The following AHCTF1 variants were observed in gnomAD, a reference collection of about 807,000 sequenced individuals.
AHCTF1 encodes AT-hook containing transcription factor 1.
AHCTF1 carries 24 observed loss-of-function variants against 248.4 expected under a neutral mutation model. That is an observed-to-expected ratio of 0.10 (90% CI 0.07 to 0.14). The LOEUF (loss-of-function observed/expected upper bound fraction) is 0.14, where lower values mean the gene tolerates loss of function less well. Ranked by LOEUF, AHCTF1 falls within the 10% of genes least tolerant of loss-of-function variation. AHCTF1 has a pLI of 1.00. For synonymous variants in AHCTF1, 786 were observed against 929.8 expected (o/e 0.85, Z 2.81); for missense variants, 2,206 against 2,636.2 (o/e 0.84, Z 3.57).
intron 17 of AHCTF1, among the ~76,000 whole-genome samples, 176 bp from the exon 18 acceptor site, chr1:246,888,693 C>T (rs1345264484): frequency 1.3e-5 from 2 of 151,948 alleles, no homozygotes; most frequent in Admixed American, 1.3e-4. Flanking sequence ...AGGATCAACT[C>T]AAGGTCAGGA....
At chr1:246,878,278 TC>T (rs1663123649) in intron 21 of AHCTF1, among the ~76,000 whole-genome samples, 1 of 151,374 alleles carries the variant, frequency 6.6e-6, no homozygotes, top group Admixed American at 6.6e-5. Flanking sequence ...GTGCCTGTAG[TC>T]CCAGCTATTC....
chr1:246,869,560 G>C (rs567826493), intron 24 of AHCTF1, among the ~76,000 whole-genome samples: 59 of 152,216 alleles, frequency 3.9e-4, no homozygotes, highest in African/African-American at 1.4e-3. Flanking sequence ...TTAAATTAAA[G>C]GCAATCACCA....
intron 1 of AHCTF1, among the ~76,000 whole-genome samples, chr1:246,926,167 G>A (rs1228917929): frequency 6.6e-6 from 1 of 151,972 alleles, no homozygotes; most frequent in African/African-American, 2.4e-5. Flanking sequence ...TCACCAGAAG[G>A]TAGGCAGCTG....
chr1:246,874,152 G>A (rs1056441053), intron 24 of AHCTF1, among the ~76,000 whole-genome samples: 2 of 151,904 alleles, frequency 1.3e-5, no homozygotes, highest in Non-Finnish European at 2.9e-5. Context: ...ATGACAAAGG[G>A]TGCCAAACTC....
chr1:246,922,759 G>A (rs1272069677), intron 1 of AHCTF1, among the ~76,000 whole-genome samples: 4 of 151,312 alleles, frequency 2.6e-5, no homozygotes, highest in African/African-American at 7.3e-5. Flanking sequence ...AAGGAGGGCG[G>A]ATCACGAGGT....
intron 17 of AHCTF1, 127 bp downstream of exon 17, chr1:246,889,839 T>C (rs1022332542): frequency 1.8e-5 from 11 of 609,768 alleles, no homozygotes; most frequent in Non-Finnish European, 3.1e-5. Context: ...AAAATAGTAA[T>C]GGTAATAGCA....
rs758863614 is a variant in AHCTF1, at chr1:246,871,297, C to T, written c.3089-3486G>A. Among the ~76,000 whole-genome samples the T allele has an allele frequency of 4.9e-4, 75 of 152,232 alleles. 1 individual carries two copies. The Middle Eastern group carries it at 0.031, about 62-fold the overall frequency. ...GAGTGCTAAAAACAGAGACACCACTCGCTTACTGATGGGAGGATGTTACAA... is the reference window on the plus strand; with the variant it reads ...GAGTGCTAAAAACAGAGACACCACTTGCTTACTGATGGGAGGATGTTACAA... On this transcript the variant is annotated intron_variant, in intron 24 of 35. Transcript: ENST00000648844.
chr1:246,894,403 TCTA>T (rs959384078), intron 14 of AHCTF1, among the ~76,000 whole-genome samples: 2 of 152,024 alleles, frequency 1.3e-5, no homozygotes, highest in Non-Finnish European at 2.9e-5. Flanking sequence ...AAACCCCGTC[TCTA>T]CTAAAAAATA....
intron 1 of AHCTF1, among the ~76,000 whole-genome samples, chr1:246,923,944 T>G (rs766016028): frequency 6.6e-5 from 10 of 152,218 alleles, no homozygotes; most frequent in Non-Finnish European, 1.3e-4. Context: ...GGGCCATGTT[T>G]CAGGGAACTG....
chr1:246,868,103 C>G (rs1662147929), intron 24 of AHCTF1, among the ~76,000 whole-genome samples: 1 of 151,254 alleles, frequency 6.6e-6, no homozygotes, highest in African/African-American at 2.4e-5. Context: ...GATGGGATTA[C>G]AGGCATGGCC....
chr1:246,842,621 G>T, intron 35 of AHCTF1, 73 bp downstream of exon 35: 1 of 1,106,938 alleles, frequency 9.0e-7, no homozygotes, highest in Non-Finnish European at 1.3e-6. Flanking sequence ...AATAAAAGGA[G>T]GATAGTAGGG....
At chr1:246,929,596 A>G (rs547575076) in intron 1 of AHCTF1, among the ~76,000 whole-genome samples, 1 of 152,316 alleles carries the variant, frequency 6.6e-6, no homozygotes, top group South Asian at 2.1e-4. Context: ...GAATAGCAAA[A>G]GCATAAAATT....
intron 33 of AHCTF1, 86 bp from the exon 34 acceptor site, chr1:246,844,014 T>C: frequency 3.0e-6 from 3 of 1,012,570 alleles, no homozygotes; most frequent in Non-Finnish European, 3.9e-6. Context: ...ACAAATTATG[T>C]GTTTTAGAAA....
At position 246,850,283 on chromosome 1, in the gene AHCTF1, C is replaced by G. The variant is rs1020081624; in HGVS notation, c.5723G>C (p.Ser1908Thr). 1 of 1,613,784 alleles carries G rather than the reference C, an allele frequency of 6.2e-7. No individual in the cohort carries two copies. The highest frequency in any genetic ancestry group is 8.5e-7 in the Non-Finnish European group (1 of 1,179,868). ...ATTTTCAGAAGCATCTAAATTAGTA[C>G]TTCTCAATTTTCTGATCATTCTGCT... ...SPSRMIRKLR[S>T]TNLDASENTG... Residue 1908 changes from serine (S) to threonine (T), a missense_variant, in exon 33 of 36, where the codon AGT becomes ACT. Physicochemically the swap from Ser to Thr is moderately conservative, Grantham distance 58. Transcript: ENST00000648844.
At chr1:246,844,752 G>T (rs912978440) in intron 33 of AHCTF1, among the ~76,000 whole-genome samples, 1 of 151,228 alleles carries the variant, frequency 6.6e-6, no homozygotes, top group African/African-American at 2.4e-5. Flanking sequence ...AATAAAAATG[G>T]TTTAAACAAC....
chr1:246,885,429 C>T, intron 21 of AHCTF1, 64 bp downstream of exon 21: 1 of 1,375,982 alleles, frequency 7.3e-7, no homozygotes, highest in East Asian at 2.4e-5. Flanking sequence ...CACTGTCTAT[C>T]TCATCAATTC....
chr1:246,909,641 T>C (rs550433746), intron 4 of AHCTF1, among the ~76,000 whole-genome samples: 1 of 152,302 alleles, frequency 6.6e-6, no homozygotes, highest in South Asian at 2.1e-4. Context: ...AATTCAGATA[T>C]GCCAAAGAGA....
At chr1:246,889,538 G>A (rs1664070153) in intron 17 of AHCTF1, among the ~76,000 whole-genome samples, 1 of 152,102 alleles carries the variant, frequency 6.6e-6, no homozygotes, top group Non-Finnish European at 1.5e-5. Flanking sequence ...CTCCTAAATT[G>A]GTCATTCTAA....
intron 24 of AHCTF1, among the ~76,000 whole-genome samples, chr1:246,871,123 G>A (rs1181699340): frequency 6.6e-6 from 1 of 152,184 alleles, no homozygotes; most frequent in Non-Finnish European, 1.5e-5. Context: ...AAAAAAGGTG[G>A]TGGCTCATTT....
Sources: gnomAD v4.1 joint callset for allele counts (sites outside exome capture counted in the v4.1 genomes callset) on GRCh38, gnomAD v4.1.1 for gene constraint, MANE v1.5 for transcripts, NCBI Gene and HGNC (gene_info 2026-07-23, HGNC 2026-07-21) for gene names.